Variants in GALNT17 observed in about 807,000 individuals in gnomAD.
The protein encoded by GALNT17 is polypeptide N-acetylgalactosaminyltransferase 17.
GALNT17 carries 29 observed loss-of-function variants against 63.7 expected under a neutral mutation model. That is an observed-to-expected ratio of 0.46 (90% CI 0.34 to 0.62). The LOEUF is 0.62. Ranked by LOEUF, GALNT17 falls within the 20% of genes least tolerant of loss-of-function variation. The pLI is 0.01. For synonymous variants in GALNT17, 305 were observed against 318.3 expected (o/e 0.96, Z 0.45); for missense variants, 603 against 799.6 (o/e 0.75, Z 2.97).
At chr7:71,324,223 A>G (rs538963243) in intron 1 of GALNT17, among the ~76,000 whole-genome samples, 6 of 152,284 alleles carry the variant, frequency 3.9e-5, no homozygotes, top group African/African-American at 1.4e-4. Flanking sequence ...TCAGATTTGC[A>G]TGTTGGAAAG....
chr7:71,475,345 G>A (rs553238230), intron 5 of GALNT17, among the ~76,000 whole-genome samples: 1 of 152,252 alleles, frequency 6.6e-6, no homozygotes, highest in South Asian at 2.1e-4. Flanking sequence ...ATCAGGGGGA[G>A]CCCTGAGCTT....
At chr7:71,239,090 T>C (rs1202400445) in intron 1 of GALNT17, among the ~76,000 whole-genome samples, 1 of 152,118 alleles carries the variant, frequency 6.6e-6, no homozygotes, top group Non-Finnish European at 1.5e-5. Flanking sequence ...CATTGCAATC[T>C]AATGAGACAC....
chr7:71,556,211 AC>A (rs1198225607), intron 5 of GALNT17, among the ~76,000 whole-genome samples: 1 of 152,202 alleles, frequency 6.6e-6, no homozygotes, highest in Admixed American at 6.5e-5. Context: ...GGTTCCGAGA[AC>A]AATTGCTGTC....
At chr7:71,613,082 T>C (rs1790149304) in intron 6 of GALNT17, among the ~76,000 whole-genome samples, 1 of 152,128 alleles carries the variant, frequency 6.6e-6, no homozygotes, top group Admixed American at 6.6e-5. Context: ...ACACTGGTTG[T>C]TGGTTCCAAT....
chr7:71,699,855 C>T (rs114060735), intron 9 of GALNT17, among the ~76,000 whole-genome samples: 3,064 of 151,794 alleles, frequency 0.02, 115 homozygotes, highest in African/African-American at 0.071. Flanking sequence ...ATCACGTATG[C>T]GCAGGAGTTG....
intron 6 of GALNT17, among the ~76,000 whole-genome samples, chr7:71,578,857 T>G (rs930445570): frequency 2.6e-5 from 4 of 152,240 alleles, no homozygotes; most frequent in African/African-American, 9.6e-5. Flanking sequence ...CCATCCATGT[T>G]AACCAAGAGA....
chr7:71,407,621 C>A (rs1216253275), intron 3 of GALNT17, among the ~76,000 whole-genome samples: 2 of 151,964 alleles, frequency 1.3e-5, no homozygotes, highest in Non-Finnish European at 2.9e-5. Context: ...GGTGGTGCAT[C>A]CTTGTAGTCC....
At chr7:71,413,428 C>T (rs10236603) in intron 3 of GALNT17, among the ~76,000 whole-genome samples, 7 of 151,796 alleles carry the variant, frequency 4.6e-5, no homozygotes, top group African/African-American at 1.2e-4. Flanking sequence ...TGCAGTGGTG[C>T]GATCTCGCCT....
intron 5 of GALNT17, among the ~76,000 whole-genome samples, chr7:71,545,091 G>A (rs892502209): frequency 1.1e-4 from 17 of 151,930 alleles, no homozygotes; most frequent in African/African-American, 3.4e-4. Flanking sequence ...ATTTTATATC[G>A]TTTTCATATT....
At chr7:71,213,059 G>A (rs1221773517) in intron 1 of GALNT17, among the ~76,000 whole-genome samples, 1 of 152,104 alleles carries the variant, frequency 6.6e-6, no homozygotes, top group South Asian at 2.1e-4. Context: ...GGGGCAGAAT[G>A]ATATGGTTTG....
At chr7:71,339,737 C>T (rs1224994566) in intron 2 of GALNT17, among the ~76,000 whole-genome samples, 1 of 151,594 alleles carries the variant, frequency 6.6e-6, no homozygotes, top group African/African-American at 2.4e-5. Flanking sequence ...AAGGGTGGAC[C>T]AGGCGGGAGA....
At chr7:71,616,333 G>A (rs917552441) in intron 6 of GALNT17, among the ~76,000 whole-genome samples, 2 of 151,756 alleles carry the variant, frequency 1.3e-5, no homozygotes, top group South Asian at 2.1e-4. Flanking sequence ...GTCCTCACTC[G>A]CTCCTCAACC....
chr7:71,418,445 C>G (rs144086114), intron 4 of GALNT17, among the ~76,000 whole-genome samples: 1 of 152,194 alleles, frequency 6.6e-6, no homozygotes, highest in African/African-American at 2.4e-5. Context: ...CTGCATGGCA[C>G]GTCAGCTGCG....
At chr7:71,209,109 T>G (rs1413207395) in intron 1 of GALNT17, among the ~76,000 whole-genome samples, 1 of 152,244 alleles carries the variant, frequency 6.6e-6, no homozygotes, top group Non-Finnish European at 1.5e-5. Context: ...AACTTTATTT[T>G]TGGAGAGTAA....
chr7:71,541,514 C>G (rs564764858), intron 5 of GALNT17, among the ~76,000 whole-genome samples: 2 of 152,252 alleles, frequency 1.3e-5, no homozygotes, highest in East Asian at 3.9e-4. Flanking sequence ...GATCTCGCCA[C>G]TGTATTCCGG....
intron 1 of GALNT17, among the ~76,000 whole-genome samples, chr7:71,331,193 C>G (rs1008751486): frequency 1.3e-5 from 2 of 152,156 alleles, no homozygotes; most frequent in Non-Finnish European, 2.9e-5. Flanking sequence ...TCAGTTCCTC[C>G]TTCTCTTTCA....
intron 6 of GALNT17, among the ~76,000 whole-genome samples, chr7:71,577,050 T>C (rs1173440777): frequency 6.6e-6 from 1 of 152,190 alleles, no homozygotes; most frequent in Non-Finnish European, 1.5e-5. Context: ...ATTGAAATCA[T>C]GTCCGTTGCA....
At chr7:71,188,501 A>G (rs771480047) in intron 1 of GALNT17, among the ~76,000 whole-genome samples, 1 of 152,126 alleles carries the variant, frequency 6.6e-6, no homozygotes, top group East Asian at 1.9e-4. Flanking sequence ...GCATTTTTTC[A>G]TATGTCTGTT....
intron 5 of GALNT17, among the ~76,000 whole-genome samples, chr7:71,475,677 T>A (rs1158062025): frequency 6.6e-6 from 1 of 152,146 alleles, no homozygotes; most frequent in Non-Finnish European, 1.5e-5. Flanking sequence ...TGGGGTCCCC[T>A]GCTTTAAGCC....
Sources: allele counts gnomAD v4.1 joint callset (sites outside exome capture counted in the v4.1 genomes callset), GRCh38; gene constraint gnomAD v4.1.1; transcripts MANE v1.5; gene names NCBI Gene and HGNC (gene_info 2026-07-23, HGNC 2026-07-21).